The following RIMS1 variants were observed in gnomAD, a reference collection of about 807,000 sequenced individuals.
RIMS1 encodes the protein regulating synaptic membrane exocytosis protein 1.
Under a neutral mutation model 214.1 loss-of-function variants are expected in RIMS1, and 83 were observed. The observed-to-expected ratio is 0.39, with a 90% CI of 0.32 to 0.47. RIMS1 has a LOEUF of 0.47. RIMS1 is among the 20% of genes least tolerant of loss of function. The pLI, the probability that RIMS1 is intolerant of heterozygous loss-of-function variation, is 0.99. For synonymous variants in RIMS1, 793 were observed against 786.8 expected (o/e 1.01, Z -0.13); for missense variants, 2,050 against 2,161.8 (o/e 0.95, Z 1.03).
At chr6:72,349,896 G>A (rs895436199) in intron 29 of RIMS1, among the ~76,000 whole-genome samples, 5 of 152,092 alleles carry the variant, frequency 3.3e-5, no homozygotes, top group African/African-American at 9.6e-5. Context: ...TTTATAACTA[G>A]TGTAGGATTC....
intron 27 of RIMS1, among the ~76,000 whole-genome samples, chr6:72,311,926 G>A (rs895266198): frequency 5.3e-5 from 8 of 152,064 alleles, no homozygotes; most frequent in African/African-American, 1.2e-4. Flanking sequence ...AGCCAGGATC[G>A]CGCCACTGCA....
intron 4 of RIMS1, among the ~76,000 whole-genome samples, chr6:72,152,514 T>A (rs1226917961): frequency 6.6e-6 from 1 of 152,056 alleles, no homozygotes; most frequent in Non-Finnish European, 1.5e-5. Context: ...TATCACCAAC[T>A]TTGGATTTAT....
chr6:72,204,830 T>C (rs2052627727), intron 6 of RIMS1, among the ~76,000 whole-genome samples: 1 of 152,180 alleles, frequency 6.6e-6, no homozygotes, highest in African/African-American at 2.4e-5. Context: ...AACTAATAAA[T>C]TTTATAATTT....
chr6:72,004,897 G>C (rs557126346), intron 2 of RIMS1, among the ~76,000 whole-genome samples: 1 of 151,786 alleles, frequency 6.6e-6, no homozygotes, highest in African/African-American at 2.4e-5. Flanking sequence ...TGTCAATTTT[G>C]GCTTTTGTTG....
intron 1 of RIMS1, among the ~76,000 whole-genome samples, chr6:71,889,615 T>C (rs995067547): frequency 5.9e-5 from 9 of 152,216 alleles, no homozygotes; most frequent in African/African-American, 2.2e-4. Flanking sequence ...TGTAAGCATG[T>C]CATATTGTCT....
Position 72,176,736 on chromosome 6 carries a change from A to AG in RIMS1, c.472-2839_472-2838insG, listed in dbSNP as rs10657438. Among the ~76,000 whole-genome samples, 62 of 15,566 alleles carry AG rather than the reference A, an allele frequency of 4.0e-3. 1 individual carries two copies. Among genetic ancestry groups the AG allele is most frequent in the African/African-American group, 0.032 (59 of 1,828 alleles). The allele number at this position is 15,566 out of a possible 152,430, so 10.2% of individuals were successfully genotyped here. ...CAGTATTTTACTAAATGTTAAAAAC[A>AG]AAAAAATTAACAAAGCATCACAGAC... On this transcript the variant is annotated intron_variant, in intron 4 of 33. Coordinates refer to ENST00000521978, the MANE Select transcript of RIMS1 (RefSeq NM_014989.7).
chr6:72,397,561 T>G (rs1180032889), intron 31 of RIMS1, among the ~76,000 whole-genome samples: 4 of 152,160 alleles, frequency 2.6e-5, no homozygotes, highest in Non-Finnish European at 4.4e-5. Context: ...CTATTAGATA[T>G]GAAAATTTAA....
chr6:72,068,269 T>C (rs1457617803), intron 2 of RIMS1, among the ~76,000 whole-genome samples: 1 of 152,260 alleles, frequency 6.6e-6, no homozygotes, highest in Non-Finnish European at 1.5e-5. Flanking sequence ...CAATTCTTTT[T>C]TCTGTTAACC....
At chr6:72,315,891 A>G (rs1195159662) in intron 28 of RIMS1, among the ~76,000 whole-genome samples, 2 of 152,160 alleles carry the variant, frequency 1.3e-5, no homozygotes. Flanking sequence ...AGGTAACACT[A>G]TGAGGAATAA....
At chr6:72,201,650 T>C (rs900925438) in intron 6 of RIMS1, among the ~76,000 whole-genome samples, 74 of 152,194 alleles carry the variant, frequency 4.9e-4, no homozygotes, top group Non-Finnish European at 7.5e-4. Flanking sequence ...TATATGCAGA[T>C]GGAAGAGCTT....
At chr6:71,932,385 A>C (rs1318858543) in intron 1 of RIMS1, among the ~76,000 whole-genome samples, 1 of 152,120 alleles carries the variant, frequency 6.6e-6, no homozygotes, top group Non-Finnish European at 1.5e-5. Context: ...CAGAAAACTA[A>C]ATACTGCATG....
chr6:72,342,729 G>A (rs2097137718), intron 29 of RIMS1, among the ~76,000 whole-genome samples: 1 of 151,502 alleles, frequency 6.6e-6, no homozygotes, highest in African/African-American at 2.4e-5. Context: ...ACCTCTAGAT[G>A]GAGAGACTGA....
In RIMS1 at chr6:72,182,611, G is replaced by C. The variant is rs1005045023; in HGVS notation, c.1140G>C (p.Arg380=). The C allele has an allele frequency of 6.5e-7, 1 of 1,547,398 alleles. No homozygotes were observed. Among genetic ancestry groups the C allele is most frequent in the African/African-American group, 1.4e-5 (1 of 72,922 alleles). ...PEEQQMRMHA[R]VSRARHERRH... ...AGCAGCAGATGCGCATGCACGCCCG[G>C]GTGTCCCGCGCCAGGCACGAGCGGC... The change falls in exon 6 of 34, where the codon CGG becomes CGC. Residue 380 remains arginine, a synonymous_variant. Coordinates refer to ENST00000521978, the MANE Select transcript of RIMS1 (RefSeq NM_014989.7).
chr6:72,367,412 C>G (rs1051821651), intron 29 of RIMS1, among the ~76,000 whole-genome samples: 1 of 152,114 alleles, frequency 6.6e-6, no homozygotes, highest in Admixed American at 6.5e-5. Flanking sequence ...TCTATTTAGG[C>G]TTCCTAAATT....
At chr6:72,010,514 C>A (rs1810038677) in intron 2 of RIMS1, among the ~76,000 whole-genome samples, 1 of 152,236 alleles carries the variant, frequency 6.6e-6, no homozygotes, top group Admixed American at 6.5e-5. Flanking sequence ...AAAGGGTATT[C>A]AATTAGGAAA....
chr6:71,931,192 A>G (rs1782922456), intron 1 of RIMS1, among the ~76,000 whole-genome samples: 1 of 152,030 alleles, frequency 6.6e-6, no homozygotes, highest in Non-Finnish European at 1.5e-5. Flanking sequence ...GTCATGTAAG[A>G]CCTCAGGAGA....
intron 1 of RIMS1, among the ~76,000 whole-genome samples, chr6:71,908,571 G>A (rs1258798511): frequency 1.3e-5 from 2 of 152,180 alleles, no homozygotes; most frequent in Non-Finnish European, 2.9e-5. Context: ...ATGGGTGGCT[G>A]CATATAAGTA....
chr6:72,336,364 C>T (rs1307599092), intron 29 of RIMS1, among the ~76,000 whole-genome samples: 1 of 151,774 alleles, frequency 6.6e-6, no homozygotes. Context: ...AACACTTAGC[C>T]TCTTTGCTTT....
chr6:72,048,998 A>G (rs1823853021), intron 2 of RIMS1, among the ~76,000 whole-genome samples: 1 of 152,144 alleles, frequency 6.6e-6, no homozygotes, highest in Admixed American at 6.6e-5. Flanking sequence ...CATAGGGGAG[A>G]AGGTGGAGTG....
Sources: allele counts gnomAD v4.1 joint callset (sites outside exome capture counted in the v4.1 genomes callset), GRCh38; gene constraint gnomAD v4.1.1; transcripts MANE v1.5; gene names NCBI Gene and HGNC (gene_info 2026-07-23, HGNC 2026-07-21).